The following TYR variants were observed in gnomAD, a reference collection of about 807,000 sequenced individuals.
The protein encoded by TYR is tyrosinase.
TYR carries 58 observed loss-of-function variants against 51.5 expected under a neutral mutation model. The ratio of observed to expected loss-of-function variants is 1.13; its 90% confidence interval spans 0.91 to 1.40. TYR has a LOEUF of 1.40. Among genes scored for constraint, TYR ranks in the 40% most tolerant of loss-of-function variants. The pLI, the probability that TYR is intolerant of heterozygous loss-of-function variation, is 0.00. For synonymous variants in TYR, 263 were observed against 235.2 expected (o/e 1.12, Z -1.08); for missense variants, 732 against 647.4 (o/e 1.13, Z -1.42).
Position 89,284,866 on chromosome 11 carries a change from G to C in TYR, c.1278G>C (p.Met426Ile). 1 of 1,611,834 alleles carries C rather than the reference G, an allele frequency of 6.2e-7. No individual in the cohort carries two copies. Among genetic ancestry groups the C allele is most frequent in the Non-Finnish European group, 8.5e-7 (1 of 1,178,554 alleles). The stretch of plus-strand genomic sequence containing the variant: ...TTGGACATAACCGGGAATCCTACAT[G>C]GTTCCTTTTATACCACTGTACAGAA... ...APIGHNRESY[M>I]VPFIPLYRNG... Residue 426 changes from methionine (M) to isoleucine (I), a missense_variant, in exon 4 of 5, where the codon ATG becomes ATC. Met to Ile is a conservative substitution (Grantham distance 10). Coordinates refer to ENST00000263321, the MANE Select transcript of TYR (RefSeq NM_000372.5).
intron 3 of TYR, among the ~76,000 whole-genome samples, chr11:89,254,643 T>A (rs1028540265): frequency 6.6e-6 from 1 of 151,902 alleles, no homozygotes; most frequent in Non-Finnish European, 1.5e-5. Context: ...AATGATCTTT[T>A]GTATTTCTGT....
chr11:89,274,003 T>A (rs1944622014), intron 3 of TYR, among the ~76,000 whole-genome samples: 3 of 144,296 alleles, frequency 2.1e-5, no homozygotes, highest in Non-Finnish European at 4.7e-5. Flanking sequence ...CCAAATAAAG[T>A]AACATTCTGA....
chr11:89,240,756 A>C (rs1037081817), intron 3 of TYR, among the ~76,000 whole-genome samples: 1 of 152,188 alleles, frequency 6.6e-6, no homozygotes, highest in African/African-American at 2.4e-5. Flanking sequence ...ACAGTAATAC[A>C]TTAGTACAGT....
rs4987234 is a variant in TYR at position 89,191,217 on chromosome 11, T to C, written c.835T>C (p.Leu279=). ...TTTTGTACAGATTGTCTGTAGCCGATTGGAGGAGTACAACAGCCATCAGTC... is the reference window on the plus strand; with the variant it reads ...TTTTGTACAGATTGTCTGTAGCCGACTGGAGGAGTACAACAGCCATCAGTC... The part of the protein sequence containing the change: ...FSSWQIVCSR[L]EEYNSHQSLC... Residue 279 remains leucine, a synonymous_variant, in exon 2 of 5, where the codon TTG becomes CTG. Transcript: ENST00000263321. The C allele has an allele frequency of 1.4e-3, 2,279 of 1,613,386 alleles. 22 individuals carry two copies. The African/African-American group carries it at 0.025, about 18-fold the overall frequency.
At chr11:89,206,637 A>C (rs1409145763) in intron 2 of TYR, among the ~76,000 whole-genome samples, 1 of 150,584 alleles carries the variant, frequency 6.6e-6, no homozygotes, top group African/African-American at 2.5e-5. Context: ...AATCTAATCA[A>C]CATTGATAGA....
At chr11:89,247,962 A>C (rs1944286977) in intron 3 of TYR, among the ~76,000 whole-genome samples, 1 of 152,214 alleles carries the variant, frequency 6.6e-6, no homozygotes, top group Non-Finnish European at 1.5e-5. Context: ...CCCAGAAATC[A>C]GGAGACTAAG....
At chr11:89,189,425 A>G (rs1329519733) in intron 1 of TYR, among the ~76,000 whole-genome samples, 1 of 151,160 alleles carries the variant, frequency 6.6e-6, no homozygotes, top group Non-Finnish European at 1.5e-5. Flanking sequence ...AAAACAATCA[A>G]CCACGAGTAT....
At chr11:89,274,479 T>C (rs1291352596) in intron 3 of TYR, among the ~76,000 whole-genome samples, 1 of 151,896 alleles carries the variant, frequency 6.6e-6, no homozygotes, top group Non-Finnish European at 1.5e-5. Context: ...TGGCTTCTGC[T>C]CTGTGCAAGT....
chr11:89,254,328 T>C (rs1019929806), intron 3 of TYR, among the ~76,000 whole-genome samples: 64 of 151,826 alleles, frequency 4.2e-4, no homozygotes, highest in African/African-American at 1.5e-3. Flanking sequence ...GGTGTTCGGG[T>C]GATACTGTCT....
chr11:89,260,973 C>A (rs1053599102), intron 3 of TYR, among the ~76,000 whole-genome samples: 13 of 152,062 alleles, frequency 8.5e-5, no homozygotes, highest in African/African-American at 3.1e-4. Flanking sequence ...ATCTAGGTTG[C>A]ACATTCCTTA....
At chr11:89,199,412 T>C (rs1943568206) in intron 2 of TYR, among the ~76,000 whole-genome samples, 1 of 152,200 alleles carries the variant, frequency 6.6e-6, no homozygotes, top group Non-Finnish European at 1.5e-5. Context: ...CCTTGTGTCA[T>C]CTTCACTCTG....
At chr11:89,221,715 T>G (rs1252011829) in intron 2 of TYR, among the ~76,000 whole-genome samples, 5 of 152,224 alleles carry the variant, frequency 3.3e-5, no homozygotes. Context: ...AAGTCACTTT[T>G]TAAAAAATCT....
intron 2 of TYR, among the ~76,000 whole-genome samples, chr11:89,210,228 G>A (rs1032517888): frequency 6.6e-6 from 1 of 152,146 alleles, no homozygotes; most frequent in African/African-American, 2.4e-5. Context: ...TTGAAAAAAG[G>A]TTAGATGAAT....
intron 3 of TYR, among the ~76,000 whole-genome samples, chr11:89,277,206 A>T (rs976025647): frequency 6.6e-6 from 1 of 151,788 alleles, no homozygotes; most frequent in African/African-American, 2.4e-5. Context: ...TTTAACAAGT[A>T]ACTGCTTCAA....
chr11:89,200,847 TC>T (rs1033130761), intron 2 of TYR, among the ~76,000 whole-genome samples: 1 of 152,162 alleles, frequency 6.6e-6, no homozygotes, highest in African/African-American at 2.4e-5. Context: ...GTAGATCCTT[TC>T]TTTTTGATAC....
intron 3 of TYR, among the ~76,000 whole-genome samples, chr11:89,280,418 A>G (rs946048809): frequency 6.6e-6 from 1 of 151,572 alleles, no homozygotes; most frequent in African/African-American, 2.4e-5. Flanking sequence ...TTTCTTGGCC[A>G]TATCAATGTT....
chr11:89,232,568 A>G lies in TYR; in HGVS notation c.1184+4598A>G, dbSNP rs1342281811. 1.4e-5 allele frequency among the ~76,000 whole-genome samples: 2 copies of G among 142,314 alleles called. 1 individual carries two copies. Among genetic ancestry groups the G allele is most frequent in the Admixed American group, 1.4e-4 (2 of 14,374 alleles). 93.4% of individuals were successfully genotyped at this position (142,314 alleles called of 152,430 possible). A position where few individuals can be genotyped will look rare whatever the true frequency, so the allele number is the denominator to read the frequency against. On this transcript the variant is annotated intron_variant, in intron 3 of 4. Transcript: ENST00000263321. ...CTAGAGTGAAGAGAGAAGGAGGGGC[A>G]TAACAGCTGAAAAACTACCTAATGT...
chr11:89,178,027 T>C lies in TYR; in HGVS notation c.74T>C (p.Val25Ala). Reference sequence around the variant, plus strand: ...GCTGGCCATTTCCCTAGAGCCTGTGTCTCCTCTAAGAACCTGATGGAGAAG... The same window carrying C: ...GCTGGCCATTTCCCTAGAGCCTGTGCCTCCTCTAAGAACCTGATGGAGAAG... Reference protein sequence around the residue: ...TSAGHFPRACVSSKNLMEKEC... With the variant: ...TSAGHFPRACASSKNLMEKEC... The change falls in exon 1 of 5, where the codon GTC (valine) becomes GCC (alanine). Residue 25 changes from valine (V) to alanine (A), a missense_variant. Coordinates refer to ENST00000263321, the MANE Select transcript of TYR (RefSeq NM_000372.5). 1 of 1,614,132 alleles carries C rather than the reference T, an allele frequency of 6.2e-7. No individual in the cohort carries two copies. The highest frequency in any genetic ancestry group is 8.5e-7 in the Non-Finnish European group (1 of 1,180,016).
chr11:89,266,587 T>C (rs1944528800), intron 3 of TYR, among the ~76,000 whole-genome samples: 1 of 151,932 alleles, frequency 6.6e-6, no homozygotes, highest in Non-Finnish European at 1.5e-5. Flanking sequence ...CTATGCACCA[T>C]TTTTTCACAC....
Sources: gnomAD v4.1 joint callset for allele counts (sites outside exome capture counted in the v4.1 genomes callset) on GRCh38, gnomAD v4.1.1 for gene constraint, MANE v1.5 for transcripts, NCBI Gene and HGNC (gene_info 2026-07-23, HGNC 2026-07-21) for gene names.